COL4A3: variants seen among roughly 807,000 people sequenced by gnomAD.
The protein encoded by COL4A3 is collagen alpha-3(IV) chain.
COL4A3 carries 135 observed loss-of-function variants against 217.4 expected under a neutral mutation model. The ratio of observed to expected loss-of-function variants is 0.62; its 90% CI spans 0.54 to 0.72. COL4A3 has a LOEUF of 0.72. Among genes scored for constraint, COL4A3 ranks in the 30% least tolerant of loss-of-function variants. The pLI is 0.00. For synonymous variants in COL4A3, 690 were observed against 736.3 expected (o/e 0.94, Z 1.02); for missense variants, 1,868 against 2,119.9 (o/e 0.88, Z 2.33).
chr2:227,280,583 A>G lies in COL4A3; in HGVS notation c.2367A>G (p.Gly789=). The G allele has an allele frequency of 6.2e-7, 1 of 1,614,030 alleles. No homozygotes were observed. The highest frequency in any genetic ancestry group is 8.5e-7 in the Non-Finnish European group (1 of 1,179,960). Residue 789 remains glycine, a synonymous_variant, in exon 30 of 52, where the codon GGA becomes GGG. Coordinates refer to ENST00000396578, the MANE Select transcript of COL4A3 (RefSeq NM_000091.5). ...PGTPGNEGLD[G]PRGDPGQPGP... ...CTCCAGGAAATGAAGGGCTTGATGG[A>G]CCACGAGGTACAATAGCAAGTGTCA...
Position 227,303,846 on chromosome 2 carries a change from T to G in COL4A3, c.3956-13T>G. ...TCTAAGTGGAATCACACTGTGTCTT[T>G]GTTTGTTTTTAGGAGAAAAGGGTAA... is the stretch of plus-strand genomic sequence containing the variant. On this transcript the variant is annotated splice_polypyrimidine_tract_variant and intron_variant, in intron 44 of 51. Coordinates refer to ENST00000396578, the MANE Select transcript of COL4A3 (RefSeq NM_000091.5). The G allele has an allele frequency of 6.2e-7, 1 of 1,613,414 alleles. No homozygotes were observed.
Position 227,254,092 on chromosome 2 carries a change from T to C in COL4A3, c.766-20T>C. 6.2e-7 allele frequency: 1 copy of C among 1,610,392 alleles called. No individual in the cohort carries two copies. Among genetic ancestry groups the C allele is most frequent in the African/African-American group, 1.3e-5 (1 of 74,854 alleles). ...CTCATTTCATCCATTTGTAACAATG[T>C]TGAACTGTTTCTTTGGCAGGACCTC... On this transcript the variant is annotated intron_variant, in intron 13 of 51. Coordinates refer to ENST00000396578, the MANE Select transcript of COL4A3 (RefSeq NM_000091.5).
At chr2:227,304,406 AG>A (rs1559919441) in intron 46 of COL4A3, 1 of 455,090 alleles carries the variant, frequency 2.2e-6, no homozygotes, top group African/African-American at 2.0e-5. Flanking sequence ...TTTTTTATTA[AG>A]GTAAAGGTAT....
chr2:227,280,825 G>A (rs1316616008), intron 30 of COL4A3, 68 bp from the exon 31 acceptor site: 4 of 1,204,488 alleles, frequency 3.3e-6, no homozygotes, highest in Non-Finnish European at 4.8e-6. Context: ...ACAGAAGAAT[G>A]ACTGGTACAG....
Position 227,164,863 on chromosome 2 carries a change from A to C in COL4A3, c.87+50A>C. On this transcript the variant is annotated intron_variant, in intron 1 of 51. Transcript: ENST00000396578. The surrounding 1 kb of genome is among the most constrained non-coding windows in gnomAD (Gnocchi z 4.8). ...ACCCCCGCACTTCCATCCCTCCTCC[A>C]CGCGTCCGGGGGACGCGCTGGCCCC... 74 of 1,417,000 alleles carry C rather than the reference A, an allele frequency of 5.2e-5. No individual in the cohort carries two copies. Among genetic ancestry groups the C allele is most frequent in the Non-Finnish European group, 6.1e-5 (66 of 1,081,436 alleles). 87.8% of individuals were successfully genotyped at this position (1,417,000 alleles called of 1,614,324 possible).
intron 28 of COL4A3, among the ~76,000 whole-genome samples, chr2:227,279,213 G>T (rs2071782472): frequency 6.6e-6 from 1 of 151,892 alleles, no homozygotes; most frequent in African/African-American, 2.4e-5. Flanking sequence ...CGAGTAGCTG[G>T]GATTACAGAC....
In COL4A3 at chr2:227,303,886, G is replaced by C. The variant is rs372237167; in HGVS notation, c.3983G>C (p.Gly1328Ala). Reference protein sequence around the residue: ...KGEKGNPGFLGSIGPPGPIGP... With the variant: ...KGEKGNPGFLASIGPPGPIGP... ...GAAAAGGGTAATCCTGGATTTCTAGGATCCATTGGACCTCCAGGACCAATT... is the reference window on the plus strand; with the variant it reads ...GAAAAGGGTAATCCTGGATTTCTAGCATCCATTGGACCTCCAGGACCAATT... Residue 1328 changes from glycine to alanine, a missense_variant, in exon 45 of 52, where the codon GGA becomes GCA. Physicochemically the swap from Gly to Ala is moderately conservative, Grantham distance 60 (BLOSUM62 0). Transcript: ENST00000396578. 2 of 1,614,152 alleles carry C rather than the reference G, an allele frequency of 1.2e-6. No individual in the cohort carries two copies. Among genetic ancestry groups the C allele is most frequent in the Non-Finnish European group, 1.7e-6 (2 of 1,180,034 alleles).
Position 227,283,830 on chromosome 2 carries a change from G to A in COL4A3, c.2720G>A (p.Gly907Glu), listed in dbSNP as rs1427118369. ...GCCATTGGCCCTCCAGGGCCCCCTG[G>A]GAACCCAGGCACACCAGGGCAGAGG... ...PGAIGPPGPP[G>E]NPGTPGQRGS... Residue 907 changes from glycine (G) to glutamate (E), a missense_variant, in exon 33 of 52, where the codon GGG becomes GAG. Gly to Glu is a moderately conservative substitution (Grantham distance 98). This residue lies in a region of COL4A3 where 1,503 missense variants were observed against 1,786.1 expected (regional missense o/e 0.84). Coordinates refer to ENST00000396578, the MANE Select transcript of COL4A3 (RefSeq NM_000091.5). The A allele has an allele frequency of 1.2e-6, 2 of 1,613,970 alleles. No individual in the cohort carries two copies. Among genetic ancestry groups the A allele is most frequent in the Admixed American group, 3.3e-5 (2 of 60,004 alleles).
chr2:227,276,697 G>C (rs1450746008), intron 27 of COL4A3, among the ~76,000 whole-genome samples: 2 of 152,234 alleles, frequency 1.3e-5, no homozygotes, highest in East Asian at 1.9e-4. Flanking sequence ...TAATATAAAG[G>C]TTCCCGAGGA....
intron 1 of COL4A3, among the ~76,000 whole-genome samples, chr2:227,208,320 T>C (rs2067178597): frequency 1.3e-5 from 2 of 152,218 alleles, no homozygotes; most frequent in Admixed American, 6.5e-5. Context: ...ATGCGGCTTC[T>C]GGCTTCAAGA....
intron 43 of COL4A3, among the ~76,000 whole-genome samples, chr2:227,302,608 C>T (rs1032570668): frequency 7.2e-6 from 1 of 139,436 alleles, no homozygotes; most frequent in African/African-American, 2.8e-5. Context: ...ATGTGGGAAG[C>T]AGAGGTTGCA....
chr2:227,251,358 C>T lies in COL4A3; in HGVS notation c.632C>T (p.Pro211Leu). The change falls in exon 11 of 52, where the codon CCT (proline) becomes CTT (leucine). Residue 211 changes from proline to leucine, a missense_variant. Transcript: ENST00000396578. ...GFFGFPGAMG[P>L]RGPKGHMGER... ...TAGGGCTTTCCAGGAGCCATGGGACCTAGAGGACCTAAGGTAGACTACAGT... is the reference window on the plus strand; with the variant it reads ...TAGGGCTTTCCAGGAGCCATGGGACTTAGAGGACCTAAGGTAGACTACAGT... The T allele has an allele frequency of 6.2e-7, 1 of 1,613,002 alleles. No homozygotes were observed. The highest frequency in any genetic ancestry group is 8.5e-7 in the Non-Finnish European group (1 of 1,179,894).
chr2:227,172,292 G>A (rs961564142), intron 1 of COL4A3, among the ~76,000 whole-genome samples: 16 of 152,164 alleles, frequency 1.1e-4, no homozygotes, highest in African/African-American at 3.9e-4. Flanking sequence ...ATATGATAGT[G>A]GCCTGACATT....
chr2:227,301,915 T>A (rs765046197), intron 43 of COL4A3: 3 of 152,384 alleles, frequency 2.0e-5, no homozygotes, highest in Non-Finnish European at 2.9e-5. Flanking sequence ...CCTTCTTTGG[T>A]CTTCTTGCTC....
chr2:227,243,519 G>C (rs1296634804), intron 3 of COL4A3, among the ~76,000 whole-genome samples: 1 of 152,192 alleles, frequency 6.6e-6, no homozygotes, highest in Non-Finnish European at 1.5e-5. Flanking sequence ...CATGCACCCC[G>C]GAATTCCGCC....
At chr2:227,220,032 T>C (rs2067698893) in intron 1 of COL4A3, among the ~76,000 whole-genome samples, 1 of 152,124 alleles carries the variant, frequency 6.6e-6, no homozygotes, top group Non-Finnish European at 1.5e-5. Context: ...CTTTTCCTTC[T>C]GATTTTCTGT....
At chr2:227,307,663 T>G (rs1164257254) in intron 47 of COL4A3, 47 bp from the exon 48 acceptor site, 1 of 1,514,348 alleles carries the variant, frequency 6.6e-7, no homozygotes, top group African/African-American at 1.4e-5. Context: ...AAAAACGAGT[T>G]TAAGATTTTT....
At position 227,240,217 on chromosome 2, in the gene COL4A3, A is replaced by T; in HGVS notation, c.219A>T (p.Gly73=). The change falls in exon 3 of 52, where the codon GGA becomes GGT. Residue 73 remains glycine (G), a synonymous_variant. Transcript: ENST00000396578. ...TCACAGGTCCTGAAGGCTTGCCTGG[A>T]CCGCAGGGACCCAAGGTATGTCATC... The part of the protein sequence containing the change: ...KGFTGPEGLP[G]PQGPKGFPGL... 6.2e-7 allele frequency: 1 copy of T among 1,610,500 alleles called. No homozygotes were observed. Among genetic ancestry groups the T allele is most frequent in the Non-Finnish European group, 8.5e-7 (1 of 1,178,596 alleles).
At chr2:227,206,657 C>A (rs2067111678) in intron 1 of COL4A3, among the ~76,000 whole-genome samples, 1 of 147,872 alleles carries the variant, frequency 6.8e-6, no homozygotes, top group Non-Finnish European at 1.5e-5. Flanking sequence ...ACTCTCAAGC[C>A]CTGCCCCAGA....
Sources: allele counts gnomAD v4.1 joint callset (sites outside exome capture counted in the v4.1 genomes callset), GRCh38; gene constraint gnomAD v4.1.1; regional missense constraint gnomAD v4.1.1; non-coding constraint Gnocchi (gnomAD v3.1); transcripts MANE v1.5; gene names NCBI Gene and HGNC (gene_info 2026-07-23, HGNC 2026-07-21).